The following LTBP3 variants were observed in gnomAD, a reference collection of about 807,000 sequenced individuals.
LTBP3 encodes latent transforming growth factor beta binding protein 3.
A neutral mutation model predicts 159.7 loss-of-function variants in LTBP3; 97 were observed. The ratio of observed to expected loss-of-function variants is 0.61; its 90% CI spans 0.52 to 0.72. The LOEUF (loss-of-function observed/expected upper bound fraction) is 0.72. LTBP3 is among the 30% of genes least tolerant of loss of function. The pLI, the probability that LTBP3 is intolerant of heterozygous loss-of-function variation, is 0.00. For synonymous variants in LTBP3, 824 were observed against 777.1 expected (o/e 1.06, Z -1.00); for missense variants, 1,584 against 1,864.3 (o/e 0.85, Z 2.77).
Position 65,547,468 on chromosome 11 carries a change from A to G in LTBP3, c.2078T>C (p.Leu693Pro). The G allele has an allele frequency of 6.2e-7, 1 of 1,613,974 alleles. No homozygotes were observed. The highest frequency in any genetic ancestry group is 1.1e-5 in the South Asian group (1 of 91,070). Residue 693 changes from leucine (L) to proline (P), a missense_variant, in exon 14 of 28, where the codon CTC becomes CCC. Physicochemically the swap from Leu to Pro is moderately conservative, Grantham distance 98 (BLOSUM62 -3). Coordinates refer to ENST00000301873, the MANE Select transcript of LTBP3 (RefSeq NM_001130144.3). The surrounding 1 kb of genome is among the most constrained non-coding windows in gnomAD (Gnocchi z 4.6). ...YKCNCYPGYRLKASRPPVCED... is the reference protein window; with the variant it reads ...YKCNCYPGYRPKASRPPVCED... ...GCACACAGGAGGCCGGGAGGCTTTG[A>G]GCCGGTAGCCGGGGTAGCAGTTGCA... is the stretch of plus-strand genomic sequence containing the variant.
intron 8 of LTBP3, 34 bp downstream of exon 8, chr11:65,551,938 C>T: frequency 6.2e-7 from 1 of 1,609,410 alleles, no homozygotes; most frequent in Non-Finnish European, 8.5e-7. Flanking sequence ...AGGGGCTTGG[C>T]ATGGGTCAGG....
chr11:65,557,816 C>G lies in LTBP3; in HGVS notation c.144G>C (p.Glu48Asp), dbSNP rs559277223. ...GCGCCCCGCCCCCGCCTGCGCCCCGCTCGCCGGCCGGCCCCCCCTCGACCC... is the reference window on the plus strand; with the variant it reads ...GCGCCCCGCCCCCGCCTGCGCCCCGGTCGCCGGCCGGCCCCCCCTCGACCC... ...GGRVEGGPAG[E>D]RGAGGGGALA... Residue 48 changes from glutamate (E) to aspartate (D), a missense_variant, in exon 1 of 28, where the codon GAG becomes GAC. Physicochemically the swap from Glu to Asp is conservative, Grantham distance 45. Transcript: ENST00000301873. 1.9e-5 allele frequency: 28 copies of G among 1,488,194 alleles called. No individual in the cohort carries two copies. In the African/African-American group the frequency reaches 3.2e-4, roughly 17 times the overall value. The allele number at this position is 1,488,194 out of a possible 1,614,324, so 92.2% of individuals were successfully genotyped here.
chr11:65,538,759 C>T lies in LTBP3; in HGVS notation c.*321G>A. 1.1e-6 allele frequency: 1 copy of T among 894,172 alleles called. No homozygotes were observed. Among genetic ancestry groups the T allele is most frequent in the East Asian group, 2.7e-5 (1 of 36,716 alleles). 55.4% of individuals were successfully genotyped at this position (894,172 alleles called of 1,614,324 possible). ...GGGAGGCGGCTGGGGTCTGGCGCCG[C>T]CCTGCGCAGCCCGCGCCCACGTCAG... is the stretch of plus-strand genomic sequence containing the variant. On this transcript the variant is annotated 3_prime_UTR_variant, in exon 28 of 28. Coordinates refer to ENST00000301873, the MANE Select transcript of LTBP3 (RefSeq NM_001130144.3).
rs747359614 is a variant in LTBP3, at chr11:65,553,473, C to T, written c.922G>A (p.Gly308Ser). Residue 308 changes from glycine (G) to serine (S), a missense_variant, in exon 4 of 28, where the codon GGC becomes AGC. Gly to Ser is a moderately conservative substitution (Grantham distance 56). Coordinates refer to ENST00000301873, the MANE Select transcript of LTBP3 (RefSeq NM_001130144.3). The surrounding 1 kb of genome is among the most constrained non-coding windows in gnomAD (Gnocchi z 6.5). ...TKQEDCCGSI[G>S]TAWGQSKCHK... ...CACTTGCTCTGGCCCCAGGCAGTGCCGATGCTACCGCAGCAGTCTTCCTGC... is the reference window on the plus strand; with the variant it reads ...CACTTGCTCTGGCCCCAGGCAGTGCTGATGCTACCGCAGCAGTCTTCCTGC... 1.2e-6 allele frequency: 2 copies of T among 1,612,132 alleles called. No individual in the cohort carries two copies. Among genetic ancestry groups the T allele is most frequent in the South Asian group, 1.1e-5 (1 of 90,988 alleles).
In LTBP3 at chr11:65,547,047, G is replaced by T; in HGVS notation, c.2108-127C>A. On this transcript the variant is annotated intron_variant, in intron 14 of 27. Coordinates refer to ENST00000301873, the MANE Select transcript of LTBP3 (RefSeq NM_001130144.3). This position sits in a 1 kb window ranked among gnomAD's most constrained non-coding sequence, Gnocchi z 4.6. ...GCTCCCGGACCCCAACCTCTGAGAG[G>T]CCCAGAGCCGAGCATACAGGCCGGG... The T allele has an allele frequency of 7.3e-7, 1 of 1,367,100 alleles. No homozygotes were observed. Among genetic ancestry groups the T allele is most frequent in the Non-Finnish European group, 1.0e-6 (1 of 998,766 alleles). 84.7% of individuals were successfully genotyped at this position (1,367,100 alleles called of 1,614,324 possible).
At position 65,553,893 on chromosome 11, in the gene LTBP3, C is replaced by A; in HGVS notation, c.672G>T (p.Pro224=). The A allele has an allele frequency of 6.6e-7, 1 of 1,525,540 alleles. No individual in the cohort carries two copies. The highest frequency in any genetic ancestry group is 8.8e-7 in the Non-Finnish European group (1 of 1,137,686). The allele number at this position is 1,525,540 out of a possible 1,614,324, so 94.5% of individuals were successfully genotyped here. Residue 224 remains proline, a synonymous_variant, in exon 3 of 28, where the codon CCG becomes CCT. Coordinates refer to ENST00000301873, the MANE Select transcript of LTBP3 (RefSeq NM_001130144.3). The surrounding 1 kb of genome is among the most constrained non-coding windows in gnomAD (Gnocchi z 6.5). ...GGACGCGCACATTCACCACGGGGGG[C>A]GGGGCCTGCACTGGGGGCGGGCGCG... is the stretch of plus-strand genomic sequence containing the variant. ...PGQISAEVQA[P]PPVVNVRVHH... is the part of the protein sequence containing the mutation.
chr11:65,546,300 T>G lies in LTBP3; in HGVS notation c.2353+142A>C. ...TCTAGTGGTGCCTTCCTTGGCAAAGTTCGTTGAGAAAATGAGTGAGCAGAG... is the reference window on the plus strand; with the variant it reads ...TCTAGTGGTGCCTTCCTTGGCAAAGGTCGTTGAGAAAATGAGTGAGCAGAG... On this transcript the variant is annotated intron_variant, in intron 16 of 27. Coordinates refer to ENST00000301873, the MANE Select transcript of LTBP3 (RefSeq NM_001130144.3). This position sits in a 1 kb window ranked among gnomAD's most constrained non-coding sequence, Gnocchi z 4.0. The G allele has an allele frequency of 8.9e-7, 1 of 1,121,728 alleles. No homozygotes were observed. The highest frequency in any genetic ancestry group is 1.2e-6 in the Non-Finnish European group (1 of 825,712). The allele number at this position is 1,121,728 out of a possible 1,614,324, so 69.5% of individuals were successfully genotyped here.
Position 65,553,731 on chromosome 11 carries a change from G to T in LTBP3, c.834C>A (p.Arg278=), listed in dbSNP as rs1030821151. The T allele has an allele frequency of 3.2e-6, 5 of 1,579,458 alleles. No homozygotes were observed. Among genetic ancestry groups the T allele is most frequent in the Non-Finnish European group, 4.3e-6 (5 of 1,170,610 alleles). Residue 278 remains arginine, a synonymous_variant, in exon 3 of 28, where the codon CGC becomes CGA. Coordinates refer to ENST00000301873, the MANE Select transcript of LTBP3 (RefSeq NM_001130144.3). This position sits in a 1 kb window ranked among gnomAD's most constrained non-coding sequence, Gnocchi z 6.5. ...PRPPTQKPLG[R]CFQDTLPKQP... is the part of the protein sequence containing the mutation. ...GCTTGGGCAGAGTGTCCTGAAAGCA[G>T]CGGCCCAGGGGCTTCTGGGTGGGCG...
At position 65,558,277 on chromosome 11, in the gene LTBP3, C is replaced by A. The variant is rs1241496447; in HGVS notation, c.-318G>T. 2 of 933,564 alleles carry A rather than the reference C, an allele frequency of 2.1e-6. No homozygotes were observed. Among genetic ancestry groups the A allele is most frequent in the Non-Finnish European group, 2.6e-6 (2 of 767,510 alleles). The allele number at this position is 933,564 out of a possible 1,614,324, so 57.8% of individuals were successfully genotyped here. A position where few individuals can be genotyped will look rare whatever the true frequency, so the allele number is the denominator to read the frequency against. On this transcript the variant is annotated 5_prime_UTR_variant, in exon 1 of 28. Coordinates refer to ENST00000301873, the MANE Select transcript of LTBP3 (RefSeq NM_001130144.3). ...GGAGAGGAAGGCCGGGCGGCCGGCC[C>A]GCTCCGCGCCTCCCCCTGGCCGGGC...
chr11:65,541,011 G>A lies in LTBP3; in HGVS notation c.2894-57C>T, dbSNP rs558825527. 609 of 1,587,684 alleles carry A rather than the reference G, an allele frequency of 3.8e-4. 7 individuals carry two copies. Among genetic ancestry groups the A allele is most frequent in the South Asian group, 3.7e-3 (329 of 89,248 alleles). On this transcript the variant is annotated intron_variant, in intron 20 of 27. Transcript: ENST00000301873. Reference sequence around the variant, plus strand: ...GAGGCAGGACTGAGCGCGCGCGTGGGCTTAGGGCTGCAGCCCGCCGCCTAT... The same window carrying A: ...GAGGCAGGACTGAGCGCGCGCGTGGACTTAGGGCTGCAGCCCGCCGCCTAT...
chr11:65,548,070 G>A (rs993085609), intron 11 of LTBP3, 25 bp from the exon 12 acceptor site: 9 of 1,613,506 alleles, frequency 5.6e-6, no homozygotes, highest in Non-Finnish European at 5.9e-6. Flanking sequence ...AGGTCAAGCG[G>A]CAGAGCAGGG....
chr11:65,541,825 T>C, intron 18 of LTBP3, 97 bp from the exon 19 acceptor site: 1 of 1,462,570 alleles, frequency 6.8e-7, no homozygotes, highest in Non-Finnish European at 9.4e-7. Context: ...GAATTTCCAC[T>C]TTGGTTTCAA....
chr11:65,545,143 C>G (rs1050132006), intron 16 of LTBP3: 1 of 180,028 alleles, frequency 5.6e-6, no homozygotes, highest in African/African-American at 2.4e-5. Context: ...TTGGCTCATC[C>G]TCCTCCTTCC....
Position 65,547,361 on chromosome 11 carries a change from AT to A in LTBP3, c.2107+77del, listed in dbSNP as rs1856417932. ...TCCGTCTCGGGGGAAAAAAAAAAAA[AT>A]GCAGGCACCCCAGCCCCACCCCAGG... is the stretch of plus-strand genomic sequence containing the variant. On this transcript the variant is annotated intron_variant, in intron 14 of 27. Transcript: ENST00000301873. The surrounding 1 kb of genome is among the most constrained non-coding windows in gnomAD (Gnocchi z 4.6). 6.7e-7 allele frequency: 1 copy of A among 1,501,712 alleles called. No individual in the cohort carries two copies. Among genetic ancestry groups the A allele is most frequent in the Non-Finnish European group, 9.0e-7 (1 of 1,109,558 alleles). The allele number at this position is 1,501,712 out of a possible 1,614,324, so 93.0% of individuals were successfully genotyped here.
Position 65,546,927 on chromosome 11 carries a change from G to C in LTBP3, c.2108-7C>G, listed in dbSNP as rs960307950. On this transcript the variant is annotated splice_polypyrimidine_tract_variant and splice_region_variant and intron_variant, in intron 14 of 27. Coordinates refer to ENST00000301873, the MANE Select transcript of LTBP3 (RefSeq NM_001130144.3). This position sits in a 1 kb window ranked among gnomAD's most constrained non-coding sequence, Gnocchi z 4.0. ...TCCCGGCACTCGTCGATGTCTGCAC[G>C]GGAGGGAGAAGGAAGAGGACCCATC... 5.0e-6 allele frequency: 8 copies of C among 1,611,016 alleles called. No homozygotes were observed. The highest frequency in any genetic ancestry group is 1.3e-5 in the African/African-American group (1 of 74,952).
Position 65,539,192 on chromosome 11 carries a change from A to AG in LTBP3, c.3799dup (p.Leu1267ProfsTer83). On this transcript the variant is annotated frameshift_variant, in exon 28 of 28. Coordinates refer to ENST00000301873, the MANE Select transcript of LTBP3 (RefSeq NM_001130144.3). LOFTEE classifies it high-confidence loss of function. The stretch of plus-strand genomic sequence containing the variant: ...GTTCACGCAGCGCTCGCTCTTGCAC[A>AG]GCAGCCCGCGCTGGTTCAGCTCTCG... 6.6e-7 allele frequency: 1 copy of AG among 1,521,894 alleles called. No individual in the cohort carries two copies. The highest frequency in any genetic ancestry group is 8.8e-7 in the Non-Finnish European group (1 of 1,130,978). The allele number at this position is 1,521,894 out of a possible 1,614,324, so 94.3% of individuals were successfully genotyped here.
chr11:65,539,443 C>T lies in LTBP3; in HGVS notation c.3645G>A (p.Glu1215=). 2.6e-6 allele frequency: 4 copies of T among 1,560,080 alleles called. No individual in the cohort carries two copies. Among genetic ancestry groups the T allele is most frequent in the East Asian group, 2.4e-5 (1 of 41,398 alleles). The change falls in exon 27 of 28, where the codon GAG becomes GAA. Residue 1215 remains glutamate (E), a synonymous_variant. Coordinates refer to ENST00000301873, the MANE Select transcript of LTBP3 (RefSeq NM_001130144.3). ...GKPPRDEDSS[E]EDSDECRCVS... ...CGCAGCGACACTCGTCTGAATCCTC[C>T]TCTGAACTGTCCTCATCTGCGTGGC... is the stretch of plus-strand genomic sequence containing the variant.
In LTBP3 at chr11:65,539,155, G is replaced by C; in HGVS notation, c.3837C>G (p.Ser1279=). Residue 1279 remains serine (S), a synonymous_variant, in exon 28 of 28, where the codon TCC becomes TCG. Transcript: ENST00000301873. ...KSERCVNTSG[S]FRCVCKAGFA... Reference sequence around the variant, plus strand: ...AGCCGGCTTTGCAGACGCAGCGGAAGGAGCCGCTGGTGTTCACGCAGCGCT... The same window carrying C: ...AGCCGGCTTTGCAGACGCAGCGGAACGAGCCGCTGGTGTTCACGCAGCGCT... The C allele has an allele frequency of 6.7e-7, 1 of 1,498,372 alleles. No homozygotes were observed. The highest frequency in any genetic ancestry group is 8.9e-7 in the Non-Finnish European group (1 of 1,119,162). The allele number at this position is 1,498,372 out of a possible 1,614,324, so 92.8% of individuals were successfully genotyped here. A position where few individuals can be genotyped will look rare whatever the true frequency, so the allele number is the denominator to read the frequency against.
chr11:65,556,688 A>G (rs1351956742), intron 1 of LTBP3, among the ~76,000 whole-genome samples: 1 of 152,100 alleles, frequency 6.6e-6, no homozygotes, highest in Non-Finnish European at 1.5e-5. Context: ...ACGCACGCAC[A>G]CCCCATCTCA....
Sources: allele counts gnomAD v4.1 joint callset (sites outside exome capture counted in the v4.1 genomes callset), GRCh38; gene constraint gnomAD v4.1.1; non-coding constraint Gnocchi (gnomAD v3.1); transcripts MANE v1.5; gene names NCBI Gene and HGNC (gene_info 2026-07-23, HGNC 2026-07-21).